Variants in MBTPS1 observed in about 807,000 individuals in gnomAD.
The protein encoded by MBTPS1 is membrane-bound transcription factor site-1 protease.
Under a neutral mutation model 127.8 loss-of-function variants are expected in MBTPS1, and 94 were observed. That is an observed-to-expected ratio of 0.74 (90% CI 0.62 to 0.87). MBTPS1 has a LOEUF of 0.87. MBTPS1 is among the 40% of genes least tolerant of loss of function. The pLI is 0.00. For synonymous variants in MBTPS1, 632 were observed against 509.4 expected, an observed-to-expected ratio of 1.24 and a Z score of -3.24; for missense variants, 1,636 against 1,353.2, an observed-to-expected ratio of 1.21 and a Z score of -3.28.
intron 3 of MBTPS1, 112 bp downstream of exon 3, chr16:84,098,941 A>C: frequency 2.7e-6 from 3 of 1,100,570 alleles, no homozygotes; most frequent in Non-Finnish European, 4.0e-6. Flanking sequence ...CACAATTAGC[A>C]AACTAGATGG....
At chr16:84,112,303 T>C (rs2086408559) in intron 1 of MBTPS1, among the ~76,000 whole-genome samples, 1 of 151,862 alleles carries the variant, frequency 6.6e-6, no homozygotes, top group Non-Finnish European at 1.5e-5. Context: ...AATTTCTGCT[T>C]TAATTTATTT....
chr16:84,104,924 C>T (rs185441232), intron 1 of MBTPS1, among the ~76,000 whole-genome samples: 8 of 146,954 alleles, frequency 5.4e-5, no homozygotes, highest in South Asian at 4.3e-4. Flanking sequence ...AAAAACCAAC[C>T]AACCGACCCA....
At chr16:84,063,512 A>G (rs2085643120) in intron 18 of MBTPS1, 67 bp from the exon 19 acceptor site, 2 of 1,444,962 alleles carry the variant, frequency 1.4e-6, no homozygotes, top group South Asian at 1.3e-5. Flanking sequence ...ATTTCCTGAT[A>G]TTTCATCCAC....
Position 84,116,820 on chromosome 16 carries a change from T to C in MBTPS1, c.-410A>G, listed in dbSNP as rs1289735409. ...CGCCTGGGCACTCCATTCGGGGCTG[T>C]TTACTCCCAACTCTCGCGAGACTGG... On this transcript the variant is annotated 5_prime_UTR_variant, in exon 1 of 23. Transcript: ENST00000343411. 6.6e-6 allele frequency: 1 copy of C among 152,180 alleles called. No individual in the cohort carries two copies. The allele number at this position is 152,180 out of a possible 1,614,324, so 9.4% of individuals were successfully genotyped here. A position where few individuals can be genotyped will look rare whatever the true frequency, so the allele number is the denominator to read the frequency against.
intron 19 of MBTPS1, among the ~76,000 whole-genome samples, chr16:84,062,809 T>G (rs1485425763): frequency 6.6e-6 from 1 of 152,060 alleles, no homozygotes; most frequent in African/African-American, 2.4e-5. Context: ...CCTTCACGCC[T>G]CGAGATAACA....
rs543216283 is a variant in MBTPS1 at position 84,070,785 on chromosome 16, A to C, written c.1594-9T>G. The C allele has an allele frequency of 7.1e-5, 113 of 1,596,026 alleles. 1 individual carries two copies. The South Asian group carries it at 1.2e-3, about 17-fold the overall frequency. On this transcript the variant is annotated splice_polypyrimidine_tract_variant and intron_variant, in intron 12 of 22. Coordinates refer to ENST00000343411, the MANE Select transcript of MBTPS1 (RefSeq NM_003791.4). ...TAGGGCTGCCAGTCAGGCTGCAGGAAAAAGAAATCAGACAAAGGCTAAAGT... is the reference window on the plus strand; with the variant it reads ...TAGGGCTGCCAGTCAGGCTGCAGGACAAAGAAATCAGACAAAGGCTAAAGT...
intron 4 of MBTPS1, among the ~76,000 whole-genome samples, chr16:84,095,189 G>A (rs1483307101): frequency 6.6e-6 from 1 of 152,220 alleles, no homozygotes; most frequent in Non-Finnish European, 1.5e-5. Context: ...CCGTGGAATT[G>A]CCCAGATCAG....
In MBTPS1 at chr16:84,066,381, C is replaced by T. The variant is rs144819166; in HGVS notation, c.2353+108G>A. 1.2e-4 allele frequency: 148 copies of T among 1,196,736 alleles called. 1 individual carries two copies. The African/African-American group carries it at 2.1e-3, about 17-fold the overall frequency. 74.1% of individuals were successfully genotyped at this position (1,196,736 alleles called of 1,614,324 possible). On this transcript the variant is annotated intron_variant, in intron 17 of 22. Transcript: ENST00000343411. ...ACTGGTGAGTTCTTTCCACAGACTC[C>T]AGCTAACTGAGGGATCACCATTCTC...
chr16:84,065,409 A>G (rs2085667250), intron 18 of MBTPS1, among the ~76,000 whole-genome samples: 1 of 152,202 alleles, frequency 6.6e-6, no homozygotes, highest in African/African-American at 2.4e-5. Context: ...TAATATTGCA[A>G]TAAATTTTAA....
Position 84,059,307 on chromosome 16 carries a change from C to T in MBTPS1, c.2826G>A (p.Ala942=), listed in dbSNP as rs150808099. The change falls in exon 21 of 23, where the codon GCG becomes GCA. Residue 942 remains alanine (A), a synonymous_variant. Coordinates refer to ENST00000343411, the MANE Select transcript of MBTPS1 (RefSeq NM_003791.4). The part of the protein sequence containing the change: ...WAKPQPLNET[A]PSNLWKHQKL... ...GGGCACAGGCGGACACTAACCTGGG[C>T]GCCGTCTCGTTTAAAGGCTGTGGCT... 465 of 1,613,282 alleles carry T rather than the reference C, an allele frequency of 2.9e-4. 1 individual carries two copies. In the African/African-American group the frequency reaches 5.3e-3, roughly 18 times the overall value.
Position 84,085,575 on chromosome 16 carries a change from C to CCA in MBTPS1, c.1135-442_1135-441insTG, listed in dbSNP as rs1567490528. 3.3e-4 allele frequency among the ~76,000 whole-genome samples: 32 copies of CCA among 95,940 alleles called. 1 individual carries two copies. Among genetic ancestry groups the CCA allele is most frequent in the Admixed American group, 2.2e-4 (2 of 9,268 alleles). 62.9% of individuals were successfully genotyped at this position (95,940 alleles called of 152,430 possible). A position where few individuals can be genotyped will look rare whatever the true frequency, so the allele number is the denominator to read the frequency against. The stretch of plus-strand genomic sequence containing the variant: ...GTCCCCCTCAGCCCCGCACCCGCCC[C>CCA]CCCCCCAAAAAAAAAGAGAAAAAAA... On this transcript the variant is annotated intron_variant, in intron 9 of 22. Coordinates refer to ENST00000343411, the MANE Select transcript of MBTPS1 (RefSeq NM_003791.4).
In MBTPS1 at chr16:84,110,460, CTGG is replaced by C. The variant is rs1184014100; in HGVS notation, c.-325+6272_-325+6274del. Among the ~76,000 whole-genome samples the C allele has an allele frequency of 5.9e-5, 9 of 152,156 alleles. No homozygotes were observed. In the South Asian group the frequency reaches 1.9e-3, roughly 32 times the overall value. On this transcript the variant is annotated intron_variant, in intron 1 of 22. Transcript: ENST00000343411. The stretch of plus-strand genomic sequence containing the variant: ...ATAAAATAAGTACTCTCATATGTTG[CTGG>C]TGAATATTAAAAAAAAACAACCTTT...
intron 2 of MBTPS1, among the ~76,000 whole-genome samples, chr16:84,101,164 G>A (rs916745940): frequency 6.6e-6 from 1 of 151,862 alleles, no homozygotes; most frequent in Non-Finnish European, 1.5e-5. Context: ...ACTGGGAGTT[G>A]TGGCGGGTGC....
At chr16:84,074,805 TGTACAAGACAGA>T in intron 11 of MBTPS1, 64 bp from the exon 12 acceptor site, 1 of 1,444,682 alleles carries the variant, frequency 6.9e-7, no homozygotes, top group South Asian at 1.3e-5. Context: ...GCAACACAAC[TGTACAAGACAGA>T]GTTAACAAAG....
At chr16:84,102,939 T>G (rs1406068401) in intron 1 of MBTPS1, among the ~76,000 whole-genome samples, 1 of 152,230 alleles carries the variant, frequency 6.6e-6, no homozygotes, top group Non-Finnish European at 1.5e-5. Context: ...AAATGTGTTA[T>G]AAAACCAGAT....
intron 1 of MBTPS1, among the ~76,000 whole-genome samples, chr16:84,112,249 G>A (rs1275109547): frequency 6.6e-6 from 1 of 151,958 alleles, no homozygotes; most frequent in Non-Finnish European, 1.5e-5. Context: ...ATACCAAAAT[G>A]GTTACAGTGG....
At chr16:84,085,226 G>A (rs1402931304) in intron 9 of MBTPS1, 92 bp from the exon 10 acceptor site, 21 of 1,293,226 alleles carry the variant, frequency 1.6e-5, no homozygotes, top group Non-Finnish European at 2.3e-5. Flanking sequence ...CAGAGATATG[G>A]GTTAGTTAAA....
chr16:84,098,398 G>A (rs1035714778), intron 3 of MBTPS1, among the ~76,000 whole-genome samples: 1 of 152,158 alleles, frequency 6.6e-6, no homozygotes, highest in Non-Finnish European at 1.5e-5. Flanking sequence ...ATCACCTGAG[G>A]TCAGGAGTTC....
intron 11 of MBTPS1, 78 bp downstream of exon 11, chr16:84,081,669 T>G: frequency 1.8e-6 from 2 of 1,135,306 alleles, no homozygotes; most frequent in Non-Finnish European, 2.3e-6. Context: ...TTTTGAGGCT[T>G]GTATTTTGTG....
Sources: gnomAD v4.1 joint callset for allele counts (sites outside exome capture counted in the v4.1 genomes callset) on GRCh38, gnomAD v4.1.1 for gene constraint, MANE v1.5 for transcripts, NCBI Gene and HGNC (gene_info 2026-07-23, HGNC 2026-07-21) for gene names.